GFRA1: variants seen among roughly 807,000 people sequenced by gnomAD.
The protein encoded by GFRA1 is GDNF family receptor alpha-1.
A neutral mutation model predicts 51.6 loss-of-function variants in GFRA1; 16 were observed. The ratio of observed to expected loss-of-function variants is 0.31; its 90% CI spans 0.21 to 0.47. The LOEUF (loss-of-function observed/expected upper bound fraction) is 0.47. Ranked by LOEUF, GFRA1 falls within the 20% of genes least tolerant of loss-of-function variation. The pLI, the probability that GFRA1 is intolerant of heterozygous loss-of-function variation, is 1.00. For synonymous variants in GFRA1, 270 were observed against 241.3 expected (o/e 1.12, Z -1.10); for missense variants, 530 against 594.3 (o/e 0.89, Z 1.13).
chr10:116,272,204 G>T lies in GFRA1; in HGVS notation c.-175C>A. The T allele has an allele frequency of 1.5e-6, 1 of 659,576 alleles. No individual in the cohort carries two copies. Among genetic ancestry groups the T allele is most frequent in the East Asian group, 2.7e-5 (1 of 36,600 alleles). The allele number at this position is 659,576 out of a possible 1,614,324, so 40.9% of individuals were successfully genotyped here. ...TCCGGGTCTGGCAGCAGCCACCGCC[G>T]CCGGCGACTCAGCTCCGGGATGGCG... On this transcript the variant is annotated 5_prime_UTR_variant, in exon 2 of 11. Transcript: ENST00000355422. The surrounding 1 kb of genome is among the most constrained non-coding windows in gnomAD (Gnocchi z 4.4).
At chr10:116,179,427 C>T (rs980312564) in intron 5 of GFRA1, among the ~76,000 whole-genome samples, 6 of 152,166 alleles carry the variant, frequency 3.9e-5, no homozygotes, top group Admixed American at 1.3e-4. Context: ...AGAATTTATG[C>T]TGCAGAGTTT....
At chr10:116,079,687 C>T (rs1162763222) in intron 9 of GFRA1, among the ~76,000 whole-genome samples, 3 of 152,086 alleles carry the variant, frequency 2.0e-5, no homozygotes, top group Non-Finnish European at 2.9e-5. Flanking sequence ...GACAGCCCCC[C>T]GTAACAATTT....
intron 9 of GFRA1, 44 bp downstream of exon 9, chr10:116,089,697 A>C: frequency 6.5e-7 from 1 of 1,543,234 alleles, no homozygotes; most frequent in South Asian, 1.1e-5. Context: ...TCACCCCCCC[A>C]CCAGGAAGGG....
chr10:116,109,870 T>TG (rs1957140176), intron 6 of GFRA1, among the ~76,000 whole-genome samples: 1 of 152,044 alleles, frequency 6.6e-6, no homozygotes, highest in African/African-American at 2.4e-5. Context: ...CCTGCAGGGG[T>TG]GTCTGGTCTC....
At chr10:116,082,005 G>A (rs935763774) in intron 9 of GFRA1, among the ~76,000 whole-genome samples, 1 of 152,206 alleles carries the variant, frequency 6.6e-6, no homozygotes, top group Non-Finnish European at 1.5e-5. Context: ...AGGATCAGTG[G>A]AGTGCAGATA....
At chr10:116,228,645 T>C (rs993218774) in intron 4 of GFRA1, among the ~76,000 whole-genome samples, 7 of 152,008 alleles carry the variant, frequency 4.6e-5, no homozygotes, top group Non-Finnish European at 8.8e-5. Flanking sequence ...AGAGAGATGC[T>C]GTGTTGCTGA....
chr10:116,216,496 CACTTAGCCCA>C (rs1965573469), intron 4 of GFRA1, among the ~76,000 whole-genome samples: 1 of 152,336 alleles, frequency 6.6e-6, no homozygotes. Flanking sequence ...TACAATATCA[CACTTAGCCCA>C]CACCCCACAG....
Position 116,154,281 on chromosome 10 carries a change from T to C in GFRA1, c.434-28724A>G, listed in dbSNP as rs553130661. On this transcript the variant is annotated intron_variant, in intron 5 of 10. Transcript: ENST00000355422. ...AAAAGACACAAATGAGAATTTTCAT[T>C]GCTGCTTGATTTATAGCCCCAAACT... Among the ~76,000 whole-genome samples the C allele has an allele frequency of 8.5e-5, 13 of 152,360 alleles. No homozygotes were observed. The East Asian group carries it at 2.3e-3, about 27-fold the overall frequency.
At chr10:116,082,766 C>G (rs907275438) in intron 9 of GFRA1, among the ~76,000 whole-genome samples, 1 of 152,154 alleles carries the variant, frequency 6.6e-6, no homozygotes, top group Non-Finnish European at 1.5e-5. Flanking sequence ...GTGTGAGCCA[C>G]CACACCCAGC....
chr10:116,258,752 C>T lies in GFRA1; in HGVS notation c.418+10751G>A, dbSNP rs183083471. Among the ~76,000 whole-genome samples the T allele has an allele frequency of 1.8e-3, 273 of 152,262 alleles. 1 individual carries two copies. Among genetic ancestry groups the T allele is most frequent in the African/African-American group, 6.4e-3 (266 of 41,538 alleles). On this transcript the variant is annotated intron_variant, in intron 4 of 10. Coordinates refer to ENST00000355422, the MANE Select transcript of GFRA1 (RefSeq NM_005264.8). ...TCACTTGAGCCCCAGTTCCCTTATC[C>T]ACCAACCAAATGGGGCTAAGAGTAC...
chr10:116,258,514 A>G (rs1461492064), intron 4 of GFRA1, among the ~76,000 whole-genome samples: 4 of 150,360 alleles, frequency 2.7e-5, no homozygotes, highest in Non-Finnish European at 4.4e-5. Flanking sequence ...TATGCATCAT[A>G]TATCCACATA....
chr10:116,117,148 G>C (rs1323227818), intron 6 of GFRA1, among the ~76,000 whole-genome samples: 4 of 152,204 alleles, frequency 2.6e-5, no homozygotes, highest in Non-Finnish European at 5.9e-5. Flanking sequence ...CTTGCAGGGT[G>C]GCTGGTCTGA....
At chr10:116,250,594 T>C (rs1968255226) in intron 4 of GFRA1, among the ~76,000 whole-genome samples, 1 of 152,210 alleles carries the variant, frequency 6.6e-6, no homozygotes, top group South Asian at 2.1e-4. Context: ...AGGGCAAAGC[T>C]GGCCCCTCCA....
At chr10:116,231,327 G>GA (rs971559749) in intron 4 of GFRA1, among the ~76,000 whole-genome samples, 4 of 152,056 alleles carry the variant, frequency 2.6e-5, no homozygotes, top group African/African-American at 7.2e-5. Flanking sequence ...TGAATTTCCT[G>GA]AGCCTCAGTT....
intron 6 of GFRA1, among the ~76,000 whole-genome samples, chr10:116,118,797 G>A (rs1269487517): frequency 1.3e-5 from 2 of 152,214 alleles, no homozygotes; most frequent in African/African-American, 4.8e-5. Flanking sequence ...AGTGGAAAAA[G>A]TGATTGGTAG....
chr10:116,189,112 A>AG (rs1963017848), intron 5 of GFRA1, among the ~76,000 whole-genome samples: 1 of 149,704 alleles, frequency 6.7e-6, no homozygotes, highest in Admixed American at 6.7e-5. Context: ...AAAAAAAAAA[A>AG]GTAGGCAAGT....
intron 5 of GFRA1, among the ~76,000 whole-genome samples, chr10:116,191,439 CT>C (rs1312826289): frequency 6.6e-6 from 1 of 152,138 alleles, no homozygotes; most frequent in Non-Finnish European, 1.5e-5. Context: ...ATCAGAGTGA[CT>C]TTTTTGTCAC....
At chr10:116,113,576 T>C (rs1344279497) in intron 6 of GFRA1, among the ~76,000 whole-genome samples, 1 of 152,184 alleles carries the variant, frequency 6.6e-6, no homozygotes, top group Middle Eastern at 3.2e-3. Flanking sequence ...TCTCCCTGGG[T>C]GTCTCTGGAA....
chr10:116,081,845 T>C (rs1955864551), intron 9 of GFRA1, among the ~76,000 whole-genome samples: 1 of 152,236 alleles, frequency 6.6e-6, no homozygotes, highest in Admixed American at 6.5e-5. Flanking sequence ...TTTTAATATT[T>C]ATATATTGAT....
Sources: gnomAD v4.1 joint callset for allele counts (sites outside exome capture counted in the v4.1 genomes callset) on GRCh38, gnomAD v4.1.1 for gene constraint, Gnocchi (gnomAD v3.1) non-coding constraint, MANE v1.5 for transcripts, NCBI Gene and HGNC (gene_info 2026-07-23, HGNC 2026-07-21) for gene names.